The following COL5A3 variants were observed in gnomAD, a reference collection of about 807,000 sequenced individuals.
COL5A3 encodes the protein collagen type V alpha 3 chain.
Under a neutral mutation model 250.0 loss-of-function variants are expected in COL5A3, and 172 were observed. The observed-to-expected ratio is 0.69, with a 90% CI of 0.61 to 0.78. The LOEUF is 0.78. Among genes scored for constraint, COL5A3 ranks in the 30% least tolerant of loss-of-function variants. The probability of loss-of-function intolerance (pLI) is 0.00; values close to 1 mark genes in which losing one functional copy is unlikely to be tolerated. For missense variants in COL5A3, 2,340 were observed against 2,334.4 expected (o/e 1.00, Z -0.05); for synonymous variants, 937 against 900.4 (o/e 1.04, Z -0.73).
At chr19:10,002,481 C>G (rs979236562) in intron 6 of COL5A3, among the ~76,000 whole-genome samples, 29 of 149,856 alleles carry the variant, frequency 1.9e-4, no homozygotes, top group Non-Finnish European at 4.2e-4. Flanking sequence ...ACCCAGTGAC[C>G]CACCAAGAAT....
rs549825647 is a variant in COL5A3 at position 9,977,323 on chromosome 19, C to T, written c.3235-41G>A. ...GATGAAGGACCCAGCTTCCATTCAC[C>T]CCCATCCTCCCCTGGACCCTTCCTC... On this transcript the variant is annotated intron_variant, in intron 43 of 66. Coordinates refer to ENST00000264828, the MANE Select transcript of COL5A3 (RefSeq NM_015719.4). 24 of 1,613,380 alleles carry T rather than the reference C, an allele frequency of 1.5e-5. No individual in the cohort carries two copies. In the African/African-American group the frequency reaches 1.7e-4, roughly 12 times the overall value.
At chr19:9,988,852 A>AGAGAG (rs1555738978) in intron 27 of COL5A3, among the ~76,000 whole-genome samples, 10 of 101,824 alleles carry the variant, frequency 9.8e-5, no homozygotes, top group African/African-American at 4.6e-4. Flanking sequence ...AAAAAAAAAA[A>AGAGAG]AAAAAAGAAA....
chr19:9,960,389 G>T lies in COL5A3; in HGVS notation c.*22C>A, dbSNP rs1159737735. 6.2e-7 allele frequency: 1 copy of T among 1,613,794 alleles called. No homozygotes were observed. The highest frequency in any genetic ancestry group is 8.5e-7 in the Non-Finnish European group (1 of 1,179,880). On this transcript the variant is annotated 3_prime_UTR_variant, in exon 67 of 67. Coordinates refer to ENST00000264828, the MANE Select transcript of COL5A3 (RefSeq NM_015719.4). The stretch of plus-strand genomic sequence containing the variant: ...CACCCCATTCTGGGGCTCCCTCATG[G>T]TCCCTCCCACCCCGGACACTCTCAG...
At chr19:9,997,584 A>C in intron 10 of COL5A3, 151 bp from the exon 11 acceptor site, 1 of 604,974 alleles carries the variant, frequency 1.7e-6, no homozygotes, top group Non-Finnish European at 2.9e-6. Context: ...ACCCCCACTC[A>C]CCCCCAACGC....
chr19:9,994,149 C>T (rs2087236876), intron 16 of COL5A3, among the ~76,000 whole-genome samples: 1 of 151,942 alleles, frequency 6.6e-6, no homozygotes, highest in African/African-American at 2.4e-5. Context: ...GCATGAGCCA[C>T]CATGCCAAGG....
chr19:10,003,706 C>T lies in COL5A3; in HGVS notation c.708G>A (p.Gln236=), dbSNP rs768254813. 2 of 1,613,966 alleles carry T rather than the reference C, an allele frequency of 1.2e-6. No homozygotes were observed. The highest frequency in any genetic ancestry group is 1.7e-5 in the Admixed American group (1 of 60,000). ...NLAPAATVAP[Q]GEPETPRPRR... Reference sequence around the variant, plus strand: ...GAGGACGAGGGGTTTCTGGTTCACCCTGGGGAGCCTGGGAGAAGGGTTCCA... The same window carrying T: ...GAGGACGAGGGGTTTCTGGTTCACCTTGGGGAGCCTGGGAGAAGGGTTCCA... Residue 236 remains glutamine (Q), a synonymous_variant, in exon 6 of 67, where the codon CAG becomes CAA. Transcript: ENST00000264828.
rs757109962 is a variant in COL5A3 at position 9,986,742 on chromosome 19, C to T, written c.2162G>A (p.Arg721Gln). ...PRGVKGTSGN[R>Q]GLQGEKGEKG... Reference sequence around the variant, plus strand: ...CTCGCCTTTCTCCCCCTGGAGGCCCCGGTTGCCTGAAGTGCCCTGGAAAAT... The same window carrying T: ...CTCGCCTTTCTCCCCCTGGAGGCCCTGGTTGCCTGAAGTGCCCTGGAAAAT... The change falls in exon 28 of 67, where the codon CGG becomes CAG. Residue 721 changes from arginine to glutamine, a missense_variant. Physicochemically the swap from Arg to Gln is conservative, Grantham distance 43. Transcript: ENST00000264828. The T allele has an allele frequency of 3.4e-5, 55 of 1,611,290 alleles. No individual in the cohort carries two copies. The highest frequency in any genetic ancestry group is 2.9e-4 in the South Asian group (26 of 90,996).
chr19:9,995,521 AG>A, intron 16 of COL5A3, 42 bp downstream of exon 16: 1 of 1,560,872 alleles, frequency 6.4e-7, no homozygotes, highest in Non-Finnish European at 8.7e-7. Context: ...TTGGGTGTTG[AG>A]GGATGGATAA....
chr19:10,001,219 C>T (rs545752852), intron 8 of COL5A3, among the ~76,000 whole-genome samples: 10 of 152,100 alleles, frequency 6.6e-5, no homozygotes, highest in Admixed American at 5.9e-4. Flanking sequence ...GATCTTGGCT[C>T]ATTGCAGCCT....
At chr19:9,981,203 A>G (rs1319575210) in intron 32 of COL5A3, 71 bp from the exon 33 acceptor site, 33 of 1,374,132 alleles carry the variant, frequency 2.4e-5, no homozygotes, top group Non-Finnish European at 3.4e-5. Flanking sequence ...ACACAAAAAG[A>G]CACCCAGTCA....
At chr19:9,991,405 T>G (rs1175900493) in intron 24 of COL5A3, among the ~76,000 whole-genome samples, 1 of 152,206 alleles carries the variant, frequency 6.6e-6, no homozygotes, top group African/African-American at 2.4e-5. Context: ...ATATCCCTTA[T>G]GTGAGCTAGC....
rs1429613256 is a variant in COL5A3 at position 10,005,406 on chromosome 19, A to G, written c.594+152T>C. 5 of 736,834 alleles carry G rather than the reference A, an allele frequency of 6.8e-6. No homozygotes were observed. In the East Asian group the frequency reaches 1.1e-4, roughly 16 times the overall value. 45.6% of individuals were successfully genotyped at this position (736,834 alleles called of 1,614,324 possible). ...CTGCAATCTCACAATCACAGGCTGC[A>G]ACGGTGCACGAAAGCATGAACTCGC... On this transcript the variant is annotated intron_variant, in intron 4 of 66. Transcript: ENST00000264828.
chr19:9,960,791 A>G lies in COL5A3; in HGVS notation c.4951T>C (p.Cys1651Arg), dbSNP rs759036141. The change falls in exon 66 of 67, where the codon TGC becomes CGC. Residue 1651 changes from cysteine (C) to arginine (R), a missense_variant. By Grantham distance (180) the Cys-to-Arg change is radical (BLOSUM62 -3). Transcript: ENST00000264828. ...TCCAGCCAGGCAGCTGCATTCTGGC[A>G]GGAGTAGGTGAAGTTCTGGCGAGCT... ...ATARQNFTYS[C>R]QNAAAWLDEA... The G allele has an allele frequency of 6.2e-7, 1 of 1,614,000 alleles. No individual in the cohort carries two copies. Among genetic ancestry groups the G allele is most frequent in the East Asian group, 2.2e-5 (1 of 44,884 alleles).
rs766827747 is a variant in COL5A3, at chr19:9,978,962, C to T, written c.2893G>A (p.Gly965Arg). 13 of 1,538,806 alleles carry T rather than the reference C, an allele frequency of 8.4e-6. No homozygotes were observed. Among genetic ancestry groups the T allele is most frequent in the Non-Finnish European group, 1.1e-5 (13 of 1,146,572 alleles). ...GCTGGCCCTTCTTTCCCAAGGGGTC[C>T]TGGTGGTCCCAGTTCCCCCTACAGG... is the stretch of plus-strand genomic sequence containing the variant. Reference protein sequence around the residue: ...EGAKGELGPPGPLGKEGPAGL... With the variant: ...EGAKGELGPPRPLGKEGPAGL... The change falls in exon 40 of 67, where the codon GGA (glycine) becomes AGA (arginine). Residue 965 changes from glycine (G) to arginine (R), a missense_variant. By Grantham distance (125) the Gly-to-Arg change is moderately radical. Around this residue, in one of 3 missense-constraint regions of COL5A3, gnomAD observed 1,179 missense variants for 1,162.6 expected, o/e 1.01. Transcript: ENST00000264828.
chr19:9,997,054 G>T, intron 11 of COL5A3: 1 of 530,628 alleles, frequency 1.9e-6, no homozygotes. Context: ...AGAGATGGAC[G>T]GAGGGAGAGG....
chr19:9,968,105 T>G lies in COL5A3; in HGVS notation c.4315-26A>C. 6.3e-7 allele frequency: 1 copy of G among 1,583,716 alleles called. No individual in the cohort carries two copies. The highest frequency in any genetic ancestry group is 8.6e-7 in the Non-Finnish European group (1 of 1,169,288). Reference sequence around the variant, plus strand: ...CTAGGAAAAGGACATCGGGTCAGTATTGGTGGGGTACACCCTATTGCCCTG... The same window carrying G: ...CTAGGAAAAGGACATCGGGTCAGTAGTGGTGGGGTACACCCTATTGCCCTG... On this transcript the variant is annotated intron_variant, in intron 59 of 66. Coordinates refer to ENST00000264828, the MANE Select transcript of COL5A3 (RefSeq NM_015719.4). The surrounding 1 kb of genome is among the most constrained non-coding windows in gnomAD (Gnocchi z 4.1).
chr19:9,980,926 T>A (rs2087000663), intron 33 of COL5A3, 67 bp from the exon 34 acceptor site: 1 of 1,542,816 alleles, frequency 6.5e-7, no homozygotes, highest in East Asian at 2.3e-5. Context: ...TGAGACCAAG[T>A]CTTCCAGGTC....
intron 11 of COL5A3, chr19:9,997,067 C>G: frequency 1.8e-6 from 1 of 541,456 alleles, no homozygotes. Flanking sequence ...GGGAGAGGGA[C>G]AGAGACCAAC....
At position 10,001,879 on chromosome 19, in the gene COL5A3, G is replaced by A; in HGVS notation, c.852C>T (p.Thr284=). The A allele has an allele frequency of 6.2e-7, 1 of 1,612,492 alleles. No homozygotes were observed. The highest frequency in any genetic ancestry group is 8.5e-7 in the Non-Finnish European group (1 of 1,178,568). ...SPPPDSAENQ[T]STDIPKTETP... The stretch of plus-strand genomic sequence containing the variant: ...TCTCTGTCTTGGGGATGTCAGTGGA[G>A]GTCTGGAGCAGGGATGGAGGGAGCC... Residue 284 remains threonine (T), a splice_region_variant and synonymous_variant, in exon 7 of 67, where the codon ACC becomes ACT. Transcript: ENST00000264828.
Sources: gnomAD v4.1 joint callset for allele counts (sites outside exome capture counted in the v4.1 genomes callset) on GRCh38, gnomAD v4.1.1 for gene constraint, gnomAD v4.1.1 regional missense constraint, Gnocchi (gnomAD v3.1) non-coding constraint, MANE v1.5 for transcripts, NCBI Gene and HGNC (gene_info 2026-07-23, HGNC 2026-07-21) for gene names.